Variants in SLC2A11 observed in about 807,000 individuals in gnomAD.
The protein encoded by SLC2A11 is solute carrier family 2 member 11, also known as solute carrier family 2, facilitated glucose transporter member 11.
A neutral mutation model predicts 52.1 loss-of-function variants in SLC2A11; 43 were observed. The observed-to-expected ratio is 0.82, with a 90% CI of 0.65 to 1.06. The LOEUF (loss-of-function observed/expected upper bound fraction) is 1.06, where lower values mean the gene tolerates loss of function less well. Ranked by LOEUF, SLC2A11 falls within the 50% of genes least tolerant of loss-of-function variation. The pLI is 0.00. For missense variants in SLC2A11, 582 were observed against 654.2 expected (o/e 0.89, Z 1.20); for synonymous variants, 261 against 277.6 (o/e 0.94, Z 0.59).
At position 23,883,770 on chromosome 22, in the gene SLC2A11, AGTGTGTG is replaced by A. The variant is rs748665724; in HGVS notation, c.995_1001del (p.Cys332Ter). 8 of 1,519,852 alleles carry A rather than the reference AGTGTGTG, an allele frequency of 5.3e-6. No individual in the cohort carries two copies. In the African/African-American group the frequency reaches 1.1e-4, roughly 22 times the overall value. 94.1% of individuals were successfully genotyped at this position (1,519,852 alleles called of 1,614,324 possible). ...GTGGGTCTGTGCTTTCTGCCTTTGC[AGTGTGTG>A]GTAATCGAGAGGGTGGGTCGGCGCG... On this transcript the variant is annotated splice_acceptor_variant and coding_sequence_variant, in exon 9 of 12. Coordinates refer to ENST00000316185, the MANE Select transcript of SLC2A11 (RefSeq NM_001024939.4). LOFTEE classifies it high-confidence loss of function.
chr22:23,875,392 T>A, intron 4 of SLC2A11, 151 bp downstream of exon 4: 1 of 1,015,136 alleles, frequency 9.9e-7, no homozygotes, highest in Non-Finnish European at 1.3e-6. Context: ...AAGGATGTAG[T>A]ATAGTTTATC....
intron 6 of SLC2A11, 98 bp downstream of exon 6, chr22:23,877,967 G>T: frequency 7.3e-7 from 1 of 1,372,762 alleles, no homozygotes; most frequent in Non-Finnish European, 9.8e-7. Flanking sequence ...ATTTATCAAG[G>T]AAAAGCTATC....
At chr22:23,875,293 A>G in intron 4 of SLC2A11, 52 bp downstream of exon 4, 1 of 1,325,356 alleles carries the variant, frequency 7.5e-7, no homozygotes, top group Non-Finnish European at 9.7e-7. Context: ...TAATTAATAA[A>G]TTCATTAATT....
chr22:23,875,045 G>A (rs1167449065), intron 3 of SLC2A11, 72 bp from the exon 4 acceptor site: 1 of 1,410,536 alleles, frequency 7.1e-7, no homozygotes, highest in African/African-American at 1.5e-5. Context: ...CAGTTGCAAA[G>A]AGTGGTCCCC....
intron 6 of SLC2A11, chr22:23,881,062 A>G (rs1179102663): frequency 3.4e-5 from 5 of 148,608 alleles, no homozygotes; most frequent in Admixed American, 2.8e-4. Context: ...GGTAGCACCA[A>G]CTCCTGGTGC....
chr22:23,857,683 C>A, upstream of SLC2A11: 1 of 1,141,312 alleles, frequency 8.8e-7, no homozygotes, highest in Non-Finnish European at 1.2e-6. Context: ...CTCAGGCGCC[C>A]TCCGCGACAC....
At chr22:23,867,829 A>G in intron 2 of SLC2A11, 1 of 465,732 alleles carries the variant, frequency 2.1e-6, no homozygotes, top group South Asian at 1.6e-5. Flanking sequence ...CTACTCTCCC[A>G]GGATCAGGCC....
At chr22:23,859,332 C>T (rs762205658) in intron 1 of SLC2A11, among the ~76,000 whole-genome samples, 5 of 152,234 alleles carry the variant, frequency 3.3e-5, no homozygotes, top group African/African-American at 9.6e-5. Flanking sequence ...GTCTCCAGAC[C>T]TATGGCAAGG....
chr22:23,863,979 T>G (rs973497282), intron 2 of SLC2A11, among the ~76,000 whole-genome samples: 2 of 152,060 alleles, frequency 1.3e-5, no homozygotes, highest in African/African-American at 2.4e-5. Flanking sequence ...CCAGATTCAC[T>G]TCCTGCCAGC....
upstream of SLC2A11, chr22:23,857,791 C>T: frequency 6.9e-7 from 1 of 1,448,564 alleles, no homozygotes; most frequent in South Asian, 1.4e-5. Flanking sequence ...GGTGCGGCCG[C>T]TCTCAATACC....
intron 3 of SLC2A11, chr22:23,870,083 A>G (rs1384784145): frequency 4.2e-6 from 3 of 716,902 alleles, no homozygotes; most frequent in Non-Finnish European, 7.8e-6. Context: ...CCTTCAAACC[A>G]TAGCACCAGC....
chr22:23,880,609 A>G (rs537030957), intron 6 of SLC2A11: 1 of 152,258 alleles, frequency 6.6e-6, no homozygotes, highest in East Asian at 1.9e-4. Flanking sequence ...TTTGATCTTT[A>G]CTATGAGTCC....
intron 3 of SLC2A11, 121 bp from the exon 4 acceptor site, chr22:23,874,996 C>T (rs1467939130): frequency 2.5e-6 from 3 of 1,176,482 alleles, no homozygotes; most frequent in South Asian, 2.8e-5. Context: ...TAATGGCATA[C>T]TACATACATT....
At chr22:23,857,633 C>A (rs370081301), upstream of SLC2A11, 20 of 1,136,484 alleles carry the variant, frequency 1.8e-5, no homozygotes, top group Non-Finnish European at 2.4e-5. Context: ...CTCCCCAGCA[C>A]CCCCAGCCCT....
At chr22:23,856,939 G>A (rs770488575), upstream of SLC2A11, 30 of 1,606,582 alleles carry the variant, frequency 1.9e-5, no homozygotes, top group Non-Finnish European at 2.4e-5. Context: ...CCCGCATTCC[G>A]CCAAGTCTCT....
At chr22:23,882,393 G>A (rs746173946) in intron 6 of SLC2A11, 66 bp from the exon 7 acceptor site, 17 of 1,381,548 alleles carry the variant, frequency 1.2e-5, no homozygotes, top group African/African-American at 2.9e-5. Context: ...GGAGGGGGGC[G>A]TCCCTGTAGG....
At chr22:23,878,985 G>A (rs1178877941) in intron 6 of SLC2A11, among the ~76,000 whole-genome samples, 1 of 152,146 alleles carries the variant, frequency 6.6e-6, no homozygotes, top group East Asian at 1.9e-4. Flanking sequence ...AGCAAGGCAG[G>A]CACAGTGCAG....
At chr22:23,881,948 AGAG>A (rs2032813405) in intron 6 of SLC2A11, 1 of 148,148 alleles carries the variant, frequency 6.8e-6, no homozygotes, top group Non-Finnish European at 1.4e-5. Flanking sequence ...GCAGAGAGAG[AGAG>A]AAACACACAC....
intron 2 of SLC2A11, chr22:23,866,462 G>A (rs1383050808): frequency 1.2e-5 from 2 of 169,132 alleles, no homozygotes; most frequent in Admixed American, 1.3e-4. Flanking sequence ...CCAAGAGAAG[G>A]GTGTCCATGT....
Sources: allele counts gnomAD v4.1 joint callset (sites outside exome capture counted in the v4.1 genomes callset), GRCh38; gene constraint gnomAD v4.1.1; transcripts MANE v1.5; gene names NCBI Gene and HGNC (gene_info 2026-07-23, HGNC 2026-07-21).